Variants in MDGA2 observed in about 807,000 individuals in gnomAD.
The protein encoded by MDGA2 is MAM domain-containing glycosylphosphatidylinositol anchor protein 2.
Under a neutral mutation model 117.8 loss-of-function variants are expected in MDGA2, and 40 were observed. The ratio of observed to expected loss-of-function variants is 0.34; its 90% CI spans 0.26 to 0.44. The LOEUF is 0.44. MDGA2 is among the 20% of genes least tolerant of loss of function. The pLI, the probability that MDGA2 is intolerant of heterozygous loss-of-function variation, is 1.00. For synonymous variants in MDGA2, 452 were observed against 439.0 expected (o/e 1.03, Z -0.37); for missense variants, 1,123 against 1,250.6 (o/e 0.90, Z 1.54).
intron 1 of MDGA2, among the ~76,000 whole-genome samples, chr14:47,519,602 A>G (rs1486118907): frequency 2.0e-5 from 3 of 152,160 alleles, no homozygotes; most frequent in African/African-American, 7.2e-5. Flanking sequence ...AATTCTCCCA[A>G]GTTTTTATTT....
intron 1 of MDGA2, among the ~76,000 whole-genome samples, chr14:47,648,866 T>G (rs1014471047): frequency 2.6e-5 from 4 of 152,102 alleles, no homozygotes; most frequent in African/African-American, 9.7e-5. Context: ...TAAACCATAT[T>G]TAAACAGATC....
chr14:47,572,307 A>G (rs1896036113), intron 1 of MDGA2, among the ~76,000 whole-genome samples: 1 of 152,182 alleles, frequency 6.6e-6, no homozygotes, highest in South Asian at 2.1e-4. Context: ...TATATTTTTA[A>G]TGTCCCCACA....
At chr14:47,329,111 T>C (rs1213213397) in intron 1 of MDGA2, among the ~76,000 whole-genome samples, 1 of 152,134 alleles carries the variant, frequency 6.6e-6, no homozygotes, top group Non-Finnish European at 1.5e-5. Flanking sequence ...TACATATATA[T>C]AGTAGAGATG....
chr14:47,288,411 G>A (rs1203870803), intron 2 of MDGA2, among the ~76,000 whole-genome samples: 1 of 152,020 alleles, frequency 6.6e-6, no homozygotes, highest in Non-Finnish European at 1.5e-5. Context: ...AAAAATTCAC[G>A]TCAATTTGAT....
chr14:47,198,066 TAAA>T (rs1566676493), intron 3 of MDGA2, among the ~76,000 whole-genome samples: 1 of 152,214 alleles, frequency 6.6e-6, no homozygotes, highest in African/African-American at 2.4e-5. Context: ...TTTTTTTACT[TAAA>T]AAATATTCAT....
chr14:47,200,818 G>A, intron 3 of MDGA2: 1 of 798,916 alleles, frequency 1.3e-6, no homozygotes, highest in Non-Finnish European at 2.2e-6. Flanking sequence ...CGACCTTCAG[G>A]GCAGCAGGAG....
chr14:47,343,916 A>G (rs1890704953), intron 1 of MDGA2, among the ~76,000 whole-genome samples: 1 of 152,194 alleles, frequency 6.6e-6, no homozygotes, highest in Non-Finnish European at 1.5e-5. Flanking sequence ...TCACTATTCA[A>G]TTCAACAACG....
chr14:47,623,052 A>T (rs1897078697), intron 1 of MDGA2, among the ~76,000 whole-genome samples: 1 of 152,200 alleles, frequency 6.6e-6, no homozygotes. Flanking sequence ...GACTATTCAG[A>T]GGCAATTAGA....
At chr14:47,124,682 G>A (rs1439186627) in intron 5 of MDGA2, among the ~76,000 whole-genome samples, 1 of 151,934 alleles carries the variant, frequency 6.6e-6, no homozygotes, top group Non-Finnish European at 1.5e-5. Context: ...GGTAACCAAG[G>A]GTAAATGAGG....
At chr14:47,449,689 A>T (rs1475219937) in intron 1 of MDGA2, among the ~76,000 whole-genome samples, 1 of 152,210 alleles carries the variant, frequency 6.6e-6, no homozygotes, top group Admixed American at 6.5e-5. Flanking sequence ...ATAGAAAAAA[A>T]TGGTTTCAGG....
At chr14:46,988,229 T>C (rs1020839097) in intron 8 of MDGA2, among the ~76,000 whole-genome samples, 2 of 151,632 alleles carry the variant, frequency 1.3e-5, no homozygotes, top group African/African-American at 4.8e-5. Context: ...CCATAAATTA[T>C]GAAGAAGGAA....
chr14:47,171,614 A>G (rs1040147644), intron 3 of MDGA2, among the ~76,000 whole-genome samples: 1 of 152,194 alleles, frequency 6.6e-6, no homozygotes, highest in Non-Finnish European at 1.5e-5. Flanking sequence ...GCTGCTAATC[A>G]TTTCAGAAGC....
chr14:47,259,677 C>T (rs1887731628), intron 2 of MDGA2, among the ~76,000 whole-genome samples: 2 of 151,664 alleles, frequency 1.3e-5, no homozygotes, highest in Admixed American at 6.6e-5. Flanking sequence ...AAAAGAATGG[C>T]GATATATAAA....
At chr14:47,613,264 G>T (rs967367273) in intron 1 of MDGA2, among the ~76,000 whole-genome samples, 1 of 152,090 alleles carries the variant, frequency 6.6e-6, no homozygotes, top group African/African-American at 2.4e-5. Context: ...AAGCCCCGTT[G>T]TTCATTAGAC....
At chr14:47,476,579 T>C (rs1386377043) in intron 1 of MDGA2, among the ~76,000 whole-genome samples, 1 of 152,108 alleles carries the variant, frequency 6.6e-6, no homozygotes, top group Non-Finnish European at 1.5e-5. Flanking sequence ...TTTTTTTTTA[T>C]GGATACATTT....
chr14:47,550,502 A>T (rs1251744947), intron 1 of MDGA2, among the ~76,000 whole-genome samples: 1 of 152,202 alleles, frequency 6.6e-6, no homozygotes, highest in Non-Finnish European at 1.5e-5. Context: ...TATTGCAGAG[A>T]ATGTGTATGT....
intron 5 of MDGA2, among the ~76,000 whole-genome samples, chr14:47,106,785 C>G (rs79664005): frequency 4.4e-5 from 6 of 137,686 alleles, no homozygotes; most frequent in African/African-American, 1.6e-4. Flanking sequence ...CCACATTACC[C>G]TCTTTTCAAG....
chr14:47,352,653 G>A (rs755998764), intron 1 of MDGA2, among the ~76,000 whole-genome samples: 5 of 152,136 alleles, frequency 3.3e-5, no homozygotes, highest in Non-Finnish European at 7.4e-5. Flanking sequence ...TTTGCAAAAG[G>A]TTTTTGTAAA....
chr14:47,665,307 T>C (rs151033474), intron 1 of MDGA2, among the ~76,000 whole-genome samples: 35 of 152,342 alleles, frequency 2.3e-4, no homozygotes, highest in Non-Finnish European at 4.7e-4. Flanking sequence ...TTATTTGTTT[T>C]TCCATTTGTT....
Sources: allele counts gnomAD v4.1 joint callset (sites outside exome capture counted in the v4.1 genomes callset), GRCh38; gene constraint gnomAD v4.1.1; transcripts MANE v1.5; gene names NCBI Gene and HGNC (gene_info 2026-07-23, HGNC 2026-07-21).